Variants in TMCO1 observed in about 807,000 individuals in gnomAD.
TMCO1 encodes calcium load-activated calcium channel.
Under a neutral mutation model 29.3 loss-of-function variants are expected in TMCO1, and 29 were observed. The observed-to-expected ratio is 0.99, with a 90% CI of 0.74 to 1.35. TMCO1 has a LOEUF of 1.35. Among genes scored for constraint, TMCO1 ranks in the 40% most tolerant of loss-of-function variants. The pLI is 0.00. For synonymous variants in TMCO1, 80 were observed against 77.1 expected (o/e 1.04, Z -0.20); for missense variants, 173 against 225.5 (o/e 0.77, Z 1.49).
chr1:165,739,636 G>T (rs559538998), intron 6 of TMCO1, among the ~76,000 whole-genome samples: 1 of 152,022 alleles, frequency 6.6e-6, no homozygotes, highest in Non-Finnish European at 1.5e-5. Flanking sequence ...CTACCTGCTC[G>T]CCTTGGCCTC....
chr1:165,732,055 C>T (rs981111123), intron 6 of TMCO1, among the ~76,000 whole-genome samples: 4 of 152,162 alleles, frequency 2.6e-5, no homozygotes, highest in African/African-American at 9.7e-5. Context: ...ATTTCCCCTG[C>T]TTTTCCATCA....
chr1:165,754,172 G>T, intron 4 of TMCO1, 56 bp downstream of exon 4: 2 of 1,458,232 alleles, frequency 1.4e-6, no homozygotes, highest in Non-Finnish European at 1.9e-6. Flanking sequence ...ATGTAAATCA[G>T]TCTTTTGCTA....
At chr1:165,728,503 A>C (rs1214934003) in intron 6 of TMCO1, among the ~76,000 whole-genome samples, 1 of 151,878 alleles carries the variant, frequency 6.6e-6, no homozygotes, top group Non-Finnish European at 1.5e-5. Flanking sequence ...TGATCTGCCC[A>C]CCTCGGCCTC....
In TMCO1 at chr1:165,768,784, AG is replaced by A; in HGVS notation, c.-34del. 6.2e-7 allele frequency: 1 copy of A among 1,613,942 alleles called. No individual in the cohort carries two copies. Among genetic ancestry groups the A allele is most frequent in the Non-Finnish European group, 8.5e-7 (1 of 1,179,936 alleles). On this transcript the variant is annotated 5_prime_UTR_variant, in exon 1 of 7. Transcript: ENST00000367881. ...CTTCGTCTCTGCACTCTCACCCGCC[AG>A]GGGGAAAGCGCTCTACAGCCAGGAA...
chr1:165,737,122 A>C (rs1260364607), intron 6 of TMCO1, among the ~76,000 whole-genome samples: 2 of 152,226 alleles, frequency 1.3e-5, no homozygotes, highest in Non-Finnish European at 2.9e-5. Flanking sequence ...AAGGTTTTTA[A>C]AGCAGCTAAA....
At chr1:165,724,618 G>A (rs1398774963), downstream of TMCO1, 2 of 453,850 alleles carry the variant, frequency 4.4e-6, no homozygotes, top group East Asian at 1.4e-4. Flanking sequence ...TTCTAACAAG[G>A]CTCTAGTGAT....
At chr1:165,733,023 T>C (rs1231850411) in intron 6 of TMCO1, among the ~76,000 whole-genome samples, 1 of 152,224 alleles carries the variant, frequency 6.6e-6, no homozygotes, top group African/African-American at 2.4e-5. Context: ...TACTGAGTAC[T>C]TACACTCTGC....
At chr1:165,749,746 T>C (rs78502466) in intron 5 of TMCO1, among the ~76,000 whole-genome samples, 4,542 of 152,062 alleles carry the variant, frequency 0.03, 220 homozygotes, top group African/African-American at 0.1. Flanking sequence ...ACTTACCTAA[T>C]GGAAAAGAGT....
At chr1:165,752,648 G>A (rs1438368132) in intron 4 of TMCO1, among the ~76,000 whole-genome samples, 2 of 151,536 alleles carry the variant, frequency 1.3e-5, no homozygotes, top group Non-Finnish European at 2.9e-5. Flanking sequence ...CAAAAAATTA[G>A]CCAGGCGTAC....
At chr1:165,735,511 A>ATTTTTTT (rs34062484) in intron 6 of TMCO1, among the ~76,000 whole-genome samples, 1 of 110,304 alleles carries the variant, frequency 9.1e-6, no homozygotes, top group African/African-American at 3.5e-5. Flanking sequence ...TCTCTGCTTA[A>ATTTTTTT]TTTTTTTTTT....
At chr1:165,766,930 G>A (rs1013521682) in intron 2 of TMCO1, among the ~76,000 whole-genome samples, 4 of 152,126 alleles carry the variant, frequency 2.6e-5, no homozygotes, top group Non-Finnish European at 5.9e-5. Flanking sequence ...AATCCTGGAA[G>A]AATATCACGT....
rs758363324 is a variant in TMCO1, at chr1:165,730,361, A to AAAC, written c.469-2241_469-2240insGTT. 3.1e-3 allele frequency among the ~76,000 whole-genome samples: 475 copies of AAAC among 151,668 alleles called. 1 individual carries two copies. The highest frequency in any genetic ancestry group is 4.4e-3 in the Non-Finnish European group (299 of 67,864). Reference sequence around the variant, plus strand: ...AAACAAAAACAAAACAAAACAAAAAAAAAAAAAGAATGTGTATTGAGGTAA... The same window carrying AAAC: ...AAACAAAAACAAAACAAAACAAAAAAAACAAAAAAAGAATGTGTATTGAGGTAA... On this transcript the variant is annotated intron_variant, in intron 6 of 6. Coordinates refer to ENST00000367881, the MANE Select transcript of TMCO1 (RefSeq NM_019026.6).
chr1:165,759,448 A>G (rs1022976327), intron 3 of TMCO1, 77 bp downstream of exon 3: 1 of 1,046,514 alleles, frequency 9.6e-7, no homozygotes, highest in Admixed American at 2.0e-5. Context: ...ACTATTAATA[A>G]TTTTATATTT....
intron 3 of TMCO1, among the ~76,000 whole-genome samples, chr1:165,755,578 A>T (rs1652163981): frequency 6.6e-6 from 1 of 152,276 alleles, no homozygotes; most frequent in East Asian, 1.9e-4. Context: ...AGGCTGAGGC[A>T]AGAGGAGTTG....
chr1:165,766,295 G>A (rs1652564768), intron 2 of TMCO1, among the ~76,000 whole-genome samples: 1 of 152,156 alleles, frequency 6.6e-6, no homozygotes, highest in South Asian at 2.1e-4. Context: ...CATTCTAGCT[G>A]ACATAACAAA....
chr1:165,744,131 A>C (rs1295932166), intron 5 of TMCO1, among the ~76,000 whole-genome samples: 3 of 152,084 alleles, frequency 2.0e-5, no homozygotes, highest in Non-Finnish European at 4.4e-5. Context: ...GTCCTACAGG[A>C]ATAGAAGCTT....
At chr1:165,729,259 T>A (rs1353085946) in intron 6 of TMCO1, among the ~76,000 whole-genome samples, 2 of 152,236 alleles carry the variant, frequency 1.3e-5, no homozygotes, top group Non-Finnish European at 1.5e-5. Flanking sequence ...TGCAATTTTT[T>A]AAGAAACTCA....
At chr1:165,729,651 T>TA (rs768807648) in intron 6 of TMCO1, among the ~76,000 whole-genome samples, 5 of 152,176 alleles carry the variant, frequency 3.3e-5, no homozygotes, top group Non-Finnish European at 7.3e-5. Flanking sequence ...AAAAAAACCT[T>TA]AGAGATCCTG....
intron 2 of TMCO1, among the ~76,000 whole-genome samples, chr1:165,760,675 C>T (rs73014644): frequency 0.013 from 2,016 of 152,142 alleles, 53 homozygotes; most frequent in African/African-American, 0.047. Flanking sequence ...GTGGCGCGTG[C>T]CTGTAGTCCC....
Sources: allele counts gnomAD v4.1 joint callset (sites outside exome capture counted in the v4.1 genomes callset), GRCh38; gene constraint gnomAD v4.1.1; transcripts MANE v1.5; gene names NCBI Gene and HGNC (gene_info 2026-07-23, HGNC 2026-07-21).